The following IRF6 variants were observed in gnomAD, a reference collection of about 807,000 sequenced individuals.
The protein encoded by IRF6 is interferon regulatory factor 6.
In IRF6, 6 loss-of-function variants were observed where a neutral mutation model predicts 51.4. The ratio of observed to expected loss-of-function variants is 0.12; its 90% confidence interval spans 0.06 to 0.23. The LOEUF is 0.23. Ranked by LOEUF, IRF6 falls within the 10% of genes least tolerant of loss-of-function variation. The probability of loss-of-function intolerance (pLI) is 1.00; values close to 1 mark genes in which losing one functional copy is unlikely to be tolerated. For synonymous variants in IRF6, 178 were observed against 215.7 expected, an observed-to-expected ratio of 0.83 and a Z score of 1.53; for missense variants, 348 against 585.2, an observed-to-expected ratio of 0.59 and a Z score of 4.18.
Position 209,788,762 on chromosome 1 carries a change from G to A in IRF6, c.1180-118C>T, listed in dbSNP as rs2077849918. ...GCCCTGAGGAAGACCCCATTCTGATGTCTAAATATAGGATATGCCTTCATC... is the reference window on the plus strand; with the variant it reads ...GCCCTGAGGAAGACCCCATTCTGATATCTAAATATAGGATATGCCTTCATC... On this transcript the variant is annotated intron_variant, in intron 8 of 8. Coordinates refer to ENST00000367021, the MANE Select transcript of IRF6 (RefSeq NM_006147.4). 4.0e-6 allele frequency: 3 copies of A among 756,580 alleles called. No individual in the cohort carries two copies. The African/African-American group carries it at 5.2e-5, about 13-fold the overall frequency. 46.9% of individuals were successfully genotyped at this position (756,580 alleles called of 1,614,324 possible).
chr1:209,798,585 A>G (rs2077919088), intron 3 of IRF6, among the ~76,000 whole-genome samples: 1 of 152,186 alleles, frequency 6.6e-6, no homozygotes, highest in African/African-American at 2.4e-5. Context: ...GATGCAGTGA[A>G]GAGCCGTATC....
chr1:209,800,404 A>T (rs1430885523), intron 3 of IRF6, among the ~76,000 whole-genome samples: 1 of 152,216 alleles, frequency 6.6e-6, no homozygotes, highest in Non-Finnish European at 1.5e-5. Flanking sequence ...TAAAACTTGT[A>T]ATTAAATCAC....
chr1:209,790,690 G>A lies in IRF6; in HGVS notation c.865C>T (p.Leu289=), dbSNP rs1420839492. 1 of 1,614,202 alleles carries A rather than the reference G, an allele frequency of 6.2e-7. No individual in the cohort carries two copies. Among genetic ancestry groups the A allele is most frequent in the East Asian group, 2.2e-5 (1 of 44,886 alleles). The change falls in exon 7 of 9, where the codon CTG becomes TTG. Residue 289 remains leucine, a synonymous_variant. Transcript: ENST00000367021. The surrounding 1 kb of genome is among the most constrained non-coding windows in gnomAD (Gnocchi z 4.8). ...ACGTCCAGCAGCTTGCTAGTGAACA[G>A]CTTCTGCTTCTCATTGGTAATATGC... ...PEHITNEKQK[L]FTSKLLDVMD... is the part of the protein sequence containing the mutation.
At position 209,801,277 on chromosome 1, in the gene IRF6, T is replaced by C; in HGVS notation, c.137A>G (p.His46Arg). The C allele has an allele frequency of 1.2e-6, 2 of 1,614,026 alleles. No homozygotes were observed. Among genetic ancestry groups the C allele is most frequent in the Non-Finnish European group, 8.5e-7 (1 of 1,180,022 alleles). Residue 46 changes from histidine (H) to arginine (R), a missense_variant, in exon 3 of 9, where the codon CAT becomes CGT. Transcript: ENST00000367021. ...FQIPWKHATR[H>R]SPQQEEENTI... is the part of the protein sequence containing the mutation. ...ATTTTCCTCTTCTTGTTGAGGGCTA[T>C]GCCGGGTGGCATGTTTCCAGGGAAT...
chr1:209,798,310 A>G (rs2236909), intron 3 of IRF6, among the ~76,000 whole-genome samples: 55,518 of 152,062 alleles, frequency 0.37, 10,518 homozygotes, highest in East Asian at 0.57. Flanking sequence ...CCTATCTCCA[A>G]TTACCTGGCA....
Position 209,788,645 on chromosome 1 carries a change from C to A in IRF6, c.1180-1G>T. The stretch of plus-strand genomic sequence containing the variant: ...TCATCCGAGCCACTACTGGAATGAC[C>A]TGTTCAGGACACAGAACACAGGTGT... On this transcript the variant is annotated splice_acceptor_variant, in intron 8 of 8. Coordinates refer to ENST00000367021, the MANE Select transcript of IRF6 (RefSeq NM_006147.4). LOFTEE classifies it high-confidence loss of function. 1 of 1,611,420 alleles carries A rather than the reference C, an allele frequency of 6.2e-7. No individual in the cohort carries two copies. Among genetic ancestry groups the A allele is most frequent in the South Asian group, 1.1e-5 (1 of 91,016 alleles).
rs1268988128 is a variant in IRF6 at position 209,792,421 on chromosome 1, G to A, written c.515C>T (p.Pro172Leu). Reference protein sequence around the residue: ...TFPFLNINGSPMAPASVGNCS... With the variant: ...TFPFLNINGSLMAPASVGNCS... Reference sequence around the variant, plus strand: ...ATTGCCCACACTGGCTGGCGCCATGGGAGAACCTAAAACAAAAGCATATGG... The same window carrying A: ...ATTGCCCACACTGGCTGGCGCCATGAGAGAACCTAAAACAAAAGCATATGG... The change falls in exon 6 of 9, where the codon CCC becomes CTC. Residue 172 changes from proline to leucine, a missense_variant. Around this residue, in one of 5 missense-constraint regions of IRF6, gnomAD observed 124 missense variants for 141.6 expected, o/e 0.88. Transcript: ENST00000367021. 20 of 1,613,904 alleles carry A rather than the reference G, an allele frequency of 1.2e-5. No homozygotes were observed. The highest frequency in any genetic ancestry group is 1.7e-5 in the Non-Finnish European group (20 of 1,180,024).
intron 5 of IRF6, 66 bp downstream of exon 5, chr1:209,795,224 C>G: frequency 1.9e-6 from 3 of 1,572,978 alleles, no homozygotes. Flanking sequence ...AATGTATTGA[C>G]AGTCCCAAGG....
intron 1 of IRF6, among the ~76,000 whole-genome samples, chr1:209,804,138 C>T (rs1040588882): frequency 6.6e-6 from 1 of 152,056 alleles, no homozygotes; most frequent in African/African-American, 2.4e-5. Flanking sequence ...TTTTTCTTAA[C>T]CTCAGGACAA....
Position 209,796,244 on chromosome 1 carries a change from C to A in IRF6, c.379+104G>T, listed in dbSNP as rs2077900439. The stretch of plus-strand genomic sequence containing the variant: ...AGAAAGGCTTTCTTGCTTTATCCAT[C>A]TTAAACTGTGTAAATCAGGCTGTTT... On this transcript the variant is annotated intron_variant, in intron 4 of 8. Coordinates refer to ENST00000367021, the MANE Select transcript of IRF6 (RefSeq NM_006147.4). The surrounding 1 kb of genome is among the most constrained non-coding windows in gnomAD (Gnocchi z 4.5). 3.1e-6 allele frequency: 3 copies of A among 978,018 alleles called. No individual in the cohort carries two copies. The highest frequency in any genetic ancestry group is 4.7e-6 in the Non-Finnish European group (3 of 631,984). The allele number at this position is 978,018 out of a possible 1,614,324, so 60.6% of individuals were successfully genotyped here.
chr1:209,791,041 T>A, intron 6 of IRF6, 154 bp from the exon 7 acceptor site: 1 of 985,386 alleles, frequency 1.0e-6, no homozygotes. Context: ...AAGGGAGACA[T>A]CAACATATCC....
At chr1:209,789,210 G>A (rs1019156528) in intron 8 of IRF6, among the ~76,000 whole-genome samples, 1 of 152,106 alleles carries the variant, frequency 6.6e-6, no homozygotes, top group African/African-American at 2.4e-5. Flanking sequence ...TGTTGTCACA[G>A]CTACTTGGGA....
intron 1 of IRF6, among the ~76,000 whole-genome samples, chr1:209,804,990 T>G (rs932478322): frequency 1.3e-5 from 2 of 152,158 alleles, no homozygotes; most frequent in South Asian, 4.1e-4. Flanking sequence ...AGGGGTAAAC[T>G]GCAGGCCTCT....
chr1:209,788,300 T>C lies in IRF6; in HGVS notation c.*120A>G. ...TTTAAATCTAGGCATATTTGGAGAA[T>C]CACAAACTTCTAACACTGTTAGAGA... is the stretch of plus-strand genomic sequence containing the variant. On this transcript the variant is annotated 3_prime_UTR_variant, in exon 9 of 9. Transcript: ENST00000367021. 1 of 695,548 alleles carries C rather than the reference T, an allele frequency of 1.4e-6. No homozygotes were observed. The highest frequency in any genetic ancestry group is 2.4e-6 in the Non-Finnish European group (1 of 412,316). The allele number at this position is 695,548 out of a possible 1,614,324, so 43.1% of individuals were successfully genotyped here.
chr1:209,787,049 C>T lies in IRF6; in HGVS notation c.*1371G>A, dbSNP rs1402460303. The T allele has an allele frequency of 1.3e-5, 2 of 153,240 alleles. No individual in the cohort carries two copies. The highest frequency in any genetic ancestry group is 1.4e-5 in the Non-Finnish European group (1 of 69,072). The allele number at this position is 153,240 out of a possible 1,614,324, so 9.5% of individuals were successfully genotyped here. A position where few individuals can be genotyped will look rare whatever the true frequency, so the allele number is the denominator to read the frequency against. ...TGGGCAACATAGCAAGACCTCATCT[C>T]TACAAAAATAAAAAAAAAATTAGCC... On this transcript the variant is annotated 3_prime_UTR_variant, in exon 9 of 9. Transcript: ENST00000367021.
Position 209,796,317 on chromosome 1 carries a change from C to A in IRF6, c.379+31G>T, listed in dbSNP as rs774813566. ...GTGCAGCCCAGAATCTGGCATGCTG[C>A]CCACCTTCTCCCCAGCACCTGGGGC... On this transcript the variant is annotated intron_variant, in intron 4 of 8. Transcript: ENST00000367021. This position sits in a 1 kb window ranked among gnomAD's most constrained non-coding sequence, Gnocchi z 4.5. The A allele has an allele frequency of 1.5e-5, 24 of 1,592,370 alleles. No individual in the cohort carries two copies. The African/African-American group carries it at 2.7e-4, about 18-fold the overall frequency.
chr1:209,789,871 A>G (rs747775243), intron 7 of IRF6, 86 bp from the exon 8 acceptor site: 21 of 887,244 alleles, frequency 2.4e-5, no homozygotes, highest in Non-Finnish European at 3.6e-5. Flanking sequence ...GTCCATTACA[A>G]TAGCCACTAG....
intron 4 of IRF6, among the ~76,000 whole-genome samples, chr1:209,795,693 T>C (rs556814598): frequency 6.6e-6 from 1 of 152,344 alleles, no homozygotes; most frequent in South Asian, 2.1e-4. Flanking sequence ...AGATATTCTC[T>C]TAGTCAAAGT....
Position 209,786,629 on chromosome 1 carries a change from G to A in IRF6, c.*1791C>T, listed in dbSNP as rs1393221323. The A allele has an allele frequency of 6.6e-6, 1 of 152,044 alleles. No individual in the cohort carries two copies. Among genetic ancestry groups the A allele is most frequent in the Non-Finnish European group, 1.5e-5 (1 of 68,034 alleles). The allele number at this position is 152,044 out of a possible 1,614,324, so 9.4% of individuals were successfully genotyped here. A position where few individuals can be genotyped will look rare whatever the true frequency, so the allele number is the denominator to read the frequency against. Reference sequence around the variant, plus strand: ...GTTTCTGTGCCTTTAATGCTTCCCGGTCCCTAAAAGCCCAACTTTTCCTCG... The same window carrying A: ...GTTTCTGTGCCTTTAATGCTTCCCGATCCCTAAAAGCCCAACTTTTCCTCG... On this transcript the variant is annotated 3_prime_UTR_variant, in exon 9 of 9. Transcript: ENST00000367021.
Sources: allele counts gnomAD v4.1 joint callset (sites outside exome capture counted in the v4.1 genomes callset), GRCh38; gene constraint gnomAD v4.1.1; regional missense constraint gnomAD v4.1.1; non-coding constraint Gnocchi (gnomAD v3.1); transcripts MANE v1.5; gene names NCBI Gene and HGNC (gene_info 2026-07-23, HGNC 2026-07-21).